Variants in JARID2 observed in about 807,000 individuals in gnomAD.
JARID2 encodes jumonji and AT-rich interaction domain containing 2.
Under a neutral mutation model 125.6 loss-of-function variants are expected in JARID2, and 21 were observed. The observed-to-expected ratio is 0.17, with a 90% confidence interval of 0.12 to 0.24. The LOEUF is 0.24. Among genes scored for constraint, JARID2 ranks in the 10% least tolerant of loss-of-function variants. The pLI is 1.00. For missense variants in JARID2, 1,303 were observed against 1,639.6 expected, an observed-to-expected ratio of 0.79 and a Z score of 3.55; for synonymous variants, 736 against 661.6, an observed-to-expected ratio of 1.11 and a Z score of -1.73.
At chr6:15,288,789 TA>T (rs1342278388) in intron 1 of JARID2, among the ~76,000 whole-genome samples, 2 of 152,244 alleles carry the variant, frequency 1.3e-5, no homozygotes, top group Admixed American at 1.3e-4. Flanking sequence ...TCTCTACAGT[TA>T]AAGGAGATCT....
intron 1 of JARID2, among the ~76,000 whole-genome samples, chr6:15,369,976 C>T (rs937855730): frequency 6.6e-6 from 1 of 152,102 alleles, no homozygotes; most frequent in African/African-American, 2.4e-5. Context: ...TGTGGCTGAG[C>T]CCCTTGGGAT....
At chr6:15,286,040 C>A (rs1228460620) in intron 1 of JARID2, among the ~76,000 whole-genome samples, 2 of 152,068 alleles carry the variant, frequency 1.3e-5, no homozygotes, top group Non-Finnish European at 2.9e-5. Flanking sequence ...TGCAGTGTTT[C>A]CTTTTTCTTG....
intron 2 of JARID2, among the ~76,000 whole-genome samples, chr6:15,384,718 C>G (rs2127532886): frequency 6.6e-6 from 1 of 152,266 alleles, no homozygotes; most frequent in East Asian, 1.9e-4. Context: ...CCCCCGAACT[C>G]AAGTTGCTGG....
chr6:15,403,811 T>C (rs1285248382), intron 2 of JARID2, among the ~76,000 whole-genome samples: 2 of 152,166 alleles, frequency 1.3e-5, no homozygotes, highest in African/African-American at 2.4e-5. Context: ...CATCTGTTTT[T>C]GCAGGGGTTA....
intron 4 of JARID2, among the ~76,000 whole-genome samples, chr6:15,463,112 C>T (rs1486806550): frequency 6.6e-6 from 1 of 152,024 alleles, no homozygotes; most frequent in Non-Finnish European, 1.5e-5. Flanking sequence ...CTTGAATAAT[C>T]GGGAGAGAAA....
chr6:15,251,918 C>T (rs1759470747), intron 1 of JARID2, among the ~76,000 whole-genome samples: 1 of 152,026 alleles, frequency 6.6e-6, no homozygotes, highest in African/African-American at 2.4e-5. Flanking sequence ...GCGGAGGTTG[C>T]GGTGAGCCGC....
chr6:15,400,895 C>T, intron 2 of JARID2: 1 of 1,288,576 alleles, frequency 7.8e-7, no homozygotes, highest in Non-Finnish European at 1.0e-6. Flanking sequence ...CTCTTCCTCC[C>T]TCCCTCCCTC....
At chr6:15,272,900 C>T (rs1179303656) in intron 1 of JARID2, among the ~76,000 whole-genome samples, 2 of 152,158 alleles carry the variant, frequency 1.3e-5, no homozygotes, top group Non-Finnish European at 2.9e-5. Flanking sequence ...AGTTTATTTT[C>T]TTCTCCCTGC....
At chr6:15,374,560 C>T (rs78825017) in intron 2 of JARID2, among the ~76,000 whole-genome samples, 7,759 of 152,286 alleles carry the variant, frequency 0.051, 267 homozygotes, top group Non-Finnish European at 0.078. Context: ...GATGATCTTG[C>T]TGAAATGTGG....
At chr6:15,424,232 T>G (rs1344877613) in intron 3 of JARID2, among the ~76,000 whole-genome samples, 1 of 151,892 alleles carries the variant, frequency 6.6e-6, no homozygotes, top group Admixed American at 6.5e-5. Context: ...CCTCCCAAAT[T>G]TCTGGAATTA....
At chr6:15,291,483 C>T (rs1761212627) in intron 1 of JARID2, among the ~76,000 whole-genome samples, 1 of 152,176 alleles carries the variant, frequency 6.6e-6, no homozygotes, top group East Asian at 1.9e-4. Context: ...GTTTCTCAGC[C>T]TGCGTCAGGC....
chr6:15,262,640 C>G (rs775308700), intron 1 of JARID2, among the ~76,000 whole-genome samples: 1 of 150,552 alleles, frequency 6.6e-6, no homozygotes, highest in African/African-American at 2.5e-5. Flanking sequence ...CCTGTTCAAG[C>G]AATTCTCTTG....
intron 1 of JARID2, among the ~76,000 whole-genome samples, chr6:15,333,494 T>C (rs1388664046): frequency 6.6e-6 from 1 of 152,200 alleles, no homozygotes; most frequent in Non-Finnish European, 1.5e-5. Context: ...CTTAGTATTA[T>C]GTTTCTCCAT....
At chr6:15,281,459 T>A (rs1026455966) in intron 1 of JARID2, among the ~76,000 whole-genome samples, 3 of 152,238 alleles carry the variant, frequency 2.0e-5, no homozygotes, top group African/African-American at 7.2e-5. Context: ...CCTTATCTCC[T>A]ATTGTACTGC....
At chr6:15,348,907 T>TA (rs1763335564) in intron 1 of JARID2, among the ~76,000 whole-genome samples, 2 of 152,210 alleles carry the variant, frequency 1.3e-5, no homozygotes. Flanking sequence ...AAGAAATACT[T>TA]ACTTCAGTAG....
intron 1 of JARID2, among the ~76,000 whole-genome samples, chr6:15,296,015 A>G (rs1413918098): frequency 6.6e-6 from 1 of 152,202 alleles, no homozygotes; most frequent in Non-Finnish European, 1.5e-5. Context: ...ACCAAGGACT[A>G]CACCTGTCCA....
At chr6:15,469,392 CTTTCCCCCT>C (rs1768951920) in intron 5 of JARID2, among the ~76,000 whole-genome samples, 2 of 62,194 alleles carry the variant, frequency 3.2e-5, no homozygotes, top group Non-Finnish European at 6.2e-5. Context: ...CCCTCTCCCC[CTTTCCCCCT>C]CTCCCCCTCT....
chr6:15,346,512 T>C (rs1304929798), intron 1 of JARID2, among the ~76,000 whole-genome samples: 2 of 152,178 alleles, frequency 1.3e-5, no homozygotes, highest in African/African-American at 4.8e-5. Context: ...CAGGGCAGAT[T>C]AGTAGGCTTT....
At chr6:15,517,077 C>A (rs1010875001) in intron 16 of JARID2, 84 bp from the exon 17 acceptor site, 24 of 993,068 alleles carry the variant, frequency 2.4e-5, no homozygotes, top group Non-Finnish European at 1.6e-6. Context: ...TGGTGGCTGC[C>A]CGGCCGGGCG....
Sources: allele counts gnomAD v4.1 joint callset (sites outside exome capture counted in the v4.1 genomes callset), GRCh38; gene constraint gnomAD v4.1.1; transcripts MANE v1.5; gene names NCBI Gene and HGNC (gene_info 2026-07-23, HGNC 2026-07-21).